Variants in LRRC49 observed in about 807,000 individuals in gnomAD.
LRRC49 encodes the protein leucine-rich repeat-containing protein 49.
A neutral mutation model predicts 83.3 loss-of-function variants in LRRC49; 50 were observed. That is an observed-to-expected ratio of 0.60 (90% CI 0.48 to 0.76). The LOEUF (loss-of-function observed/expected upper bound fraction) is 0.76, where lower values mean the gene tolerates loss of function less well. LRRC49 is among the 30% of genes least tolerant of loss of function. The pLI, the probability that LRRC49 is intolerant of heterozygous loss-of-function variation, is 0.00. For synonymous variants in LRRC49, 286 were observed against 283.3 expected (o/e 1.01, Z -0.10); for missense variants, 704 against 809.1 (o/e 0.87, Z 1.58).
chr15:71,010,824 T>C (rs1490151077), intron 13 of LRRC49, among the ~76,000 whole-genome samples: 2 of 152,070 alleles, frequency 1.3e-5, no homozygotes, highest in Non-Finnish European at 2.9e-5. Context: ...AAAAAACATC[T>C]TTAATATGTT....
chr15:70,896,001 A>G, intron 3 of LRRC49, 65 bp downstream of exon 3: 1 of 914,146 alleles, frequency 1.1e-6, no homozygotes, highest in Middle Eastern at 2.3e-4. Context: ...GTGTTTAATA[A>G]TGTTGAATTA....
intron 7 of LRRC49, among the ~76,000 whole-genome samples, chr15:70,933,694 G>A (rs4777326): frequency 0.56 from 85,334 of 152,046 alleles, 24,370 homozygotes; most frequent in Admixed American, 0.7. Context: ...CTGTATCTTC[G>A]AAGGCAGAGA....
intron 15 of LRRC49, among the ~76,000 whole-genome samples, chr15:71,039,387 G>C (rs2039628746): frequency 6.6e-6 from 1 of 152,124 alleles, no homozygotes; most frequent in African/African-American, 2.4e-5. Flanking sequence ...AATACAGCTG[G>C]TTCTATGAGT....
At chr15:70,896,955 C>A (rs1205973875) in intron 3 of LRRC49, among the ~76,000 whole-genome samples, 1 of 152,106 alleles carries the variant, frequency 6.6e-6, no homozygotes. Context: ...TCTGTCTTTG[C>A]CTTATTTGAT....
chr15:70,889,358 T>C (rs2033492557), upstream of LRRC49, among the ~76,000 whole-genome samples: 1 of 147,372 alleles, frequency 6.8e-6, no homozygotes, highest in African/African-American at 2.5e-5. Context: ...TTATATGAAA[T>C]CCCCCCCCCA....
intron 14 of LRRC49, among the ~76,000 whole-genome samples, chr15:71,031,453 C>T (rs777772441): frequency 8.5e-5 from 13 of 152,198 alleles, no homozygotes; most frequent in East Asian, 1.9e-4. Flanking sequence ...GAGGTTTCTC[C>T]CATTCAGGAG....
intron 1 of LRRC49, among the ~76,000 whole-genome samples, chr15:70,858,187 T>G (rs1432246195): frequency 6.6e-6 from 1 of 152,234 alleles, no homozygotes; most frequent in Non-Finnish European, 1.5e-5. Context: ...TTGAATCTGG[T>G]CTGCAGAAGT....
intron 1 of LRRC49, among the ~76,000 whole-genome samples, chr15:70,867,400 A>C (rs901439451): frequency 4.6e-5 from 7 of 152,176 alleles, no homozygotes; most frequent in African/African-American, 7.2e-5. Flanking sequence ...GGTGAAGAAG[A>C]CACCAAAGTA....
intron 8 of LRRC49, among the ~76,000 whole-genome samples, chr15:70,956,272 G>C (rs1212894201): frequency 6.6e-6 from 1 of 151,926 alleles, no homozygotes; most frequent in Non-Finnish European, 1.5e-5. Flanking sequence ...TTTCCTTTCG[G>C]GATATGAATT....
intron 2 of LRRC49, chr15:70,882,600 T>C (rs776932721): frequency 1.4e-5 from 23 of 1,614,004 alleles, no homozygotes; most frequent in Non-Finnish European, 1.4e-5. Flanking sequence ...TCTGTCTGAG[T>C]AGTTGCATTA....
intron 11 of LRRC49, among the ~76,000 whole-genome samples, chr15:70,994,021 A>G (rs1046776691): frequency 3.3e-5 from 5 of 151,888 alleles, no homozygotes; most frequent in African/African-American, 1.2e-4. Flanking sequence ...TAATTTTTGT[A>G]TTTTTAAAAG....
upstream of LRRC49, chr15:70,892,210 G>C (rs1174328890): frequency 2.5e-6 from 4 of 1,602,242 alleles, no homozygotes; most frequent in Admixed American, 6.8e-5. Context: ...TGGGAAAGCG[G>C]AACAGCGACT....
At chr15:71,005,138 C>T (rs1479199468) in intron 11 of LRRC49, among the ~76,000 whole-genome samples, 3 of 151,952 alleles carry the variant, frequency 2.0e-5, no homozygotes, top group Non-Finnish European at 4.4e-5. Flanking sequence ...GCGCATGTGC[C>T]CCTGAACTTA....
chr15:71,003,843 AT>A (rs148239159), intron 11 of LRRC49, among the ~76,000 whole-genome samples: 1,777 of 152,232 alleles, frequency 0.012, 41 homozygotes, highest in African/African-American at 0.04. Flanking sequence ...TGCCATTGCC[AT>A]TTTGACTACA....
At chr15:70,943,533 C>T (rs78827017) in intron 8 of LRRC49, among the ~76,000 whole-genome samples, 2,001 of 152,252 alleles carry the variant, frequency 0.013, 50 homozygotes, top group African/African-American at 0.046. Flanking sequence ...CCTGATTCTT[C>T]CCTTGCAGTG....
At chr15:70,872,003 G>A (rs991501932) in intron 1 of LRRC49, among the ~76,000 whole-genome samples, 1 of 152,232 alleles carries the variant, frequency 6.6e-6, no homozygotes, top group Non-Finnish European at 1.5e-5. Context: ...TGGCGGCCGG[G>A]CAGAGGCTGC....
intron 8 of LRRC49, among the ~76,000 whole-genome samples, chr15:70,948,387 C>G (rs2036087441): frequency 6.6e-6 from 1 of 152,042 alleles, no homozygotes; most frequent in Admixed American, 6.6e-5. Flanking sequence ...GGCATTAACC[C>G]TTGGAGTCAC....
intron 9 of LRRC49, among the ~76,000 whole-genome samples, chr15:70,966,698 T>A (rs973878041): frequency 1.3e-5 from 2 of 152,164 alleles, no homozygotes; most frequent in Admixed American, 1.3e-4. Context: ...ACCAAACTAC[T>A]TAGTAAACAG....
intron 11 of LRRC49, among the ~76,000 whole-genome samples, chr15:70,988,123 G>C (rs1386458951): frequency 2.0e-5 from 3 of 151,388 alleles, no homozygotes; most frequent in Admixed American, 2.0e-4. Context: ...TTGATTTGGG[G>C]TGGAGAGTTC....
Sources: gnomAD v4.1 joint callset for allele counts (sites outside exome capture counted in the v4.1 genomes callset) on GRCh38, gnomAD v4.1.1 for gene constraint, MANE v1.5 for transcripts, NCBI Gene and HGNC (gene_info 2026-07-23, HGNC 2026-07-21) for gene names.